The following NRG3 variants were observed in gnomAD, a reference collection of about 807,000 sequenced individuals.
The protein encoded by NRG3 is neuregulin 3.
In NRG3, 31 loss-of-function variants were observed where a neutral mutation model predicts 66.9. That is an observed-to-expected ratio of 0.46 (90% CI 0.35 to 0.63). NRG3 has a LOEUF of 0.63. Ranked by LOEUF, NRG3 falls within the 20% of genes least tolerant of loss-of-function variation. NRG3 has a pLI of 0.00. For synonymous variants in NRG3, 393 were observed against 359.4 expected (o/e 1.09, Z -1.06); for missense variants, 910 against 878.9 (o/e 1.04, Z -0.45).
chr10:82,438,506 C>T (rs181454142), intron 2 of NRG3, among the ~76,000 whole-genome samples: 387 of 152,308 alleles, frequency 2.5e-3, no homozygotes, highest in African/African-American at 8.9e-3. Context: ...TGCTGGCTGC[C>T]CCTTCCCCAA....
At chr10:82,011,229 A>T (rs2061561777) in intron 1 of NRG3, among the ~76,000 whole-genome samples, 1 of 152,180 alleles carries the variant, frequency 6.6e-6, no homozygotes, top group Non-Finnish European at 1.5e-5. Context: ...GTCTTAAATG[A>T]TAACAGGCAA....
chr10:82,028,469 A>C (rs188525525), intron 1 of NRG3, among the ~76,000 whole-genome samples: 41 of 152,118 alleles, frequency 2.7e-4, no homozygotes, highest in Admixed American at 5.9e-4. Flanking sequence ...TAATACCTAA[A>C]ATTGCCATCC....
intron 3 of NRG3, among the ~76,000 whole-genome samples, chr10:82,757,973 C>T (rs2135021471): frequency 6.6e-6 from 1 of 151,972 alleles, no homozygotes; most frequent in South Asian, 2.1e-4. Flanking sequence ...TATTTTTGTT[C>T]TCAGCCTTTC....
chr10:82,539,700 C>T (rs2043400403), intron 2 of NRG3, among the ~76,000 whole-genome samples: 1 of 151,834 alleles, frequency 6.6e-6, no homozygotes, highest in Non-Finnish European at 1.5e-5. Flanking sequence ...GTGGCGGGAT[C>T]TCGTCTCATT....
At chr10:81,951,834 G>A (rs1358944516) in intron 1 of NRG3, among the ~76,000 whole-genome samples, 2 of 152,174 alleles carry the variant, frequency 1.3e-5, no homozygotes, top group East Asian at 3.8e-4. Flanking sequence ...TATGTTTACT[G>A]CGGCACTATT....
chr10:82,292,546 C>T (rs1487265733), intron 1 of NRG3, among the ~76,000 whole-genome samples: 1 of 152,168 alleles, frequency 6.6e-6, no homozygotes, highest in Non-Finnish European at 1.5e-5. Flanking sequence ...ATGTTCATAG[C>T]AGCTATAGTC....
intron 2 of NRG3, among the ~76,000 whole-genome samples, chr10:82,660,064 T>C (rs1027558889): frequency 2.0e-5 from 3 of 150,616 alleles, no homozygotes; most frequent in African/African-American, 7.3e-5. Context: ...GGCATGGTGG[T>C]GGTTGCCTGT....
intron 1 of NRG3, among the ~76,000 whole-genome samples, chr10:81,965,875 T>G (rs2059713019): frequency 6.6e-6 from 1 of 152,150 alleles, no homozygotes; most frequent in Non-Finnish European, 1.5e-5. Flanking sequence ...CTCTTATTTC[T>G]TATTTCTAAA....
intron 2 of NRG3, among the ~76,000 whole-genome samples, chr10:82,505,306 G>A (rs769130148): frequency 2.6e-5 from 4 of 152,206 alleles, no homozygotes; most frequent in South Asian, 2.1e-4. Flanking sequence ...TTTGAATAGC[G>A]GGAAGATCTG....
At chr10:82,410,161 G>A (rs2136143458) in intron 2 of NRG3, among the ~76,000 whole-genome samples, 1 of 152,216 alleles carries the variant, frequency 6.6e-6, no homozygotes, top group South Asian at 2.1e-4. Context: ...TGGTAAAGAT[G>A]ATGACTGCTA....
chr10:82,890,025 A>T (rs1308484651), intron 4 of NRG3, among the ~76,000 whole-genome samples: 1 of 152,150 alleles, frequency 6.6e-6, no homozygotes, highest in Non-Finnish European at 1.5e-5. Flanking sequence ...CAAGCCAAGA[A>T]AGCCAATACT....
intron 1 of NRG3, among the ~76,000 whole-genome samples, chr10:81,973,224 T>C (rs1237981540): frequency 6.6e-6 from 1 of 152,208 alleles, no homozygotes. Context: ...TCCATGTCCC[T>C]GCAAAGGACA....
rs142649706 is a variant in NRG3, at chr10:82,481,177, A to G, written c.953+122309A>G. ...CAATTGGTGTCCTTACTATTTCTCT[A>G]TCATACATTGTTTTTATTTCTCTAT... On this transcript the variant is annotated intron_variant, in intron 2 of 8. Coordinates refer to ENST00000372141, the MANE Select transcript of NRG3 (RefSeq NM_001010848.4). 5.4e-4 allele frequency among the ~76,000 whole-genome samples: 82 copies of G among 152,236 alleles called. 1 individual carries two copies. Among genetic ancestry groups the G allele is most frequent in the African/African-American group, 1.9e-3 (79 of 41,536 alleles).
At chr10:82,141,331 G>A (rs1320732960) in intron 1 of NRG3, among the ~76,000 whole-genome samples, 2 of 152,094 alleles carry the variant, frequency 1.3e-5, no homozygotes, top group Non-Finnish European at 2.9e-5. Context: ...CACTTGGCAG[G>A]CATTAGGGTC....
chr10:82,387,053 G>A (rs1474579052), intron 2 of NRG3, among the ~76,000 whole-genome samples: 3 of 152,300 alleles, frequency 2.0e-5, no homozygotes, highest in Non-Finnish European at 2.9e-5. Context: ...GCCCGCCTTG[G>A]CCTCACAAAG....
At chr10:82,892,946 A>C (rs1843297888) in intron 4 of NRG3, among the ~76,000 whole-genome samples, 1 of 152,024 alleles carries the variant, frequency 6.6e-6, no homozygotes, top group Admixed American at 6.6e-5. Flanking sequence ...AAAGGTAAAA[A>C]TATGTGTGTG....
intron 3 of NRG3, among the ~76,000 whole-genome samples, chr10:82,862,246 A>C (rs1001845964): frequency 6.6e-6 from 1 of 152,192 alleles, no homozygotes; most frequent in Non-Finnish European, 1.5e-5. Flanking sequence ...GGAAGAGAAC[A>C]AAAGTCTGTT....
chr10:82,156,120 A>G (rs1024618815), intron 1 of NRG3, among the ~76,000 whole-genome samples: 6 of 151,682 alleles, frequency 4.0e-5, no homozygotes, highest in African/African-American at 1.4e-4. Context: ...TTGTGCTAAC[A>G]TTGTCCTCCT....
At chr10:82,183,689 T>C (rs549205282) in intron 1 of NRG3, among the ~76,000 whole-genome samples, 1 of 152,078 alleles carries the variant, frequency 6.6e-6, no homozygotes, top group East Asian at 1.9e-4. Flanking sequence ...TATTTGGCAA[T>C]GTCTAGAGAC....
Sources: allele counts gnomAD v4.1 joint callset (sites outside exome capture counted in the v4.1 genomes callset), GRCh38; gene constraint gnomAD v4.1.1; transcripts MANE v1.5; gene names NCBI Gene and HGNC (gene_info 2026-07-23, HGNC 2026-07-21).